Variants in DHRS3 observed in about 807,000 individuals in gnomAD.
DHRS3 encodes the protein dehydrogenase/reductase 3, also known as short-chain dehydrogenase/reductase 3.
In DHRS3, 14 loss-of-function variants were observed where a neutral mutation model predicts 27.2. The observed-to-expected ratio is 0.52, with a 90% CI of 0.34 to 0.81. The LOEUF (loss-of-function observed/expected upper bound fraction) is 0.81, where lower values mean the gene tolerates loss of function less well. Ranked by LOEUF, DHRS3 falls within the 30% of genes least tolerant of loss-of-function variation. The probability of loss-of-function intolerance (pLI) is 0.01; values close to 1 mark genes in which losing one functional copy is unlikely to be tolerated. For synonymous variants in DHRS3, 165 were observed against 175.9 expected (o/e 0.94, Z 0.49); for missense variants, 322 against 406.2 (o/e 0.79, Z 1.78).
intron 1 of DHRS3, among the ~76,000 whole-genome samples, chr1:12,589,222 C>T (rs1646724634): frequency 1.3e-5 from 2 of 152,152 alleles, no homozygotes; most frequent in South Asian, 4.1e-4. Flanking sequence ...TTTCACAACC[C>T]TGTCTATTTC....
intron 1 of DHRS3, among the ~76,000 whole-genome samples, chr1:12,612,309 C>T (rs1254426297): frequency 1.3e-5 from 2 of 152,170 alleles, no homozygotes; most frequent in African/African-American, 4.8e-5. Flanking sequence ...CCCTTCTCTT[C>T]TCTTTCTCTT....
intron 1 of DHRS3, chr1:12,600,317 G>C (rs1646826685): frequency 3.1e-6 from 3 of 983,530 alleles, no homozygotes; most frequent in Non-Finnish European, 3.6e-6. Flanking sequence ...TGGCTGAGGA[G>C]GTGTGAGCCC....
At chr1:12,590,742 G>T (rs752901333) in intron 1 of DHRS3, among the ~76,000 whole-genome samples, 4 of 152,162 alleles carry the variant, frequency 2.6e-5, no homozygotes, top group Non-Finnish European at 5.9e-5. Flanking sequence ...GGACTCCAGT[G>T]GGATCCCTCT....
chr1:12,612,502 T>A (rs1225569489), intron 1 of DHRS3, among the ~76,000 whole-genome samples: 1 of 152,130 alleles, frequency 6.6e-6, no homozygotes, highest in African/African-American at 2.4e-5. Flanking sequence ...TCACACCCCT[T>A]CTGGTTGAAA....
intron 5 of DHRS3, among the ~76,000 whole-genome samples, chr1:12,568,820 G>A (rs771264968): frequency 6.6e-6 from 1 of 152,246 alleles, no homozygotes; most frequent in Non-Finnish European, 1.5e-5. Flanking sequence ...CTAGCTACTG[G>A]GGAGGCTGAG....
At chr1:12,612,927 A>G (rs1236856075) in intron 1 of DHRS3, among the ~76,000 whole-genome samples, 1 of 152,032 alleles carries the variant, frequency 6.6e-6, no homozygotes, top group Non-Finnish European at 1.5e-5. Flanking sequence ...GCATGGTGGC[A>G]CGCACGCCTG....
chr1:12,568,654 G>T (rs1404730305), intron 5 of DHRS3, among the ~76,000 whole-genome samples: 1 of 152,148 alleles, frequency 6.6e-6, no homozygotes, highest in Admixed American at 6.5e-5. Context: ...GGCTGGGCGC[G>T]GTGGCTCATG....
At chr1:12,590,615 T>A (rs1446226844) in intron 1 of DHRS3, among the ~76,000 whole-genome samples, 1 of 152,004 alleles carries the variant, frequency 6.6e-6, no homozygotes, top group Non-Finnish European at 1.5e-5. Context: ...CGACCTAGAA[T>A]AGTCATTTCT....
rs201780676 is a variant in DHRS3 at position 12,568,420 on chromosome 1, G to T, written c.829C>A (p.Leu277Ile). 1.8e-5 allele frequency: 29 copies of T among 1,613,492 alleles called. No homozygotes were observed. Among genetic ancestry groups the T allele is most frequent in the East Asian group, 6.7e-5 (3 of 44,868 alleles). The stretch of plus-strand genomic sequence containing the variant: ...ATCTCCTCGAGTGCAGCCTGTGGAA[G>T]TATGCTGGAGTAGGAGGAAGAAAAG... ...MHALVILKSILPQAALEEIHK... is the reference protein window; with the variant it reads ...MHALVILKSIIPQAALEEIHK... Residue 277 changes from leucine (L) to isoleucine (I), a missense_variant, in exon 6 of 6, where the codon CTT becomes ATT. Leu to Ile is a conservative substitution (Grantham distance 5). Coordinates refer to ENST00000616661, the MANE Select transcript of DHRS3 (RefSeq NM_004753.7).
chr1:12,579,087 G>A (rs760774237), intron 3 of DHRS3, 131 bp from the exon 4 acceptor site: 14 of 1,233,130 alleles, frequency 1.1e-5, no homozygotes, highest in Non-Finnish European at 1.6e-5. Flanking sequence ...CGAGGGAGAG[G>A]GCCGAGGGCT....
At position 12,591,340 on chromosome 1, in the gene DHRS3, A is replaced by G. The variant is rs1342792496; in HGVS notation, c.196-10674T>C. Among the ~76,000 whole-genome samples the G allele has an allele frequency of 2.6e-5, 4 of 152,220 alleles. No homozygotes were observed. Among genetic ancestry groups the G allele is most frequent in the African/African-American group, 9.7e-5 (4 of 41,450 alleles). On this transcript the variant is annotated intron_variant, in intron 1 of 5. Coordinates refer to ENST00000616661, the MANE Select transcript of DHRS3 (RefSeq NM_004753.7). The surrounding 1 kb of genome is among the most constrained non-coding windows in gnomAD (Gnocchi z 4.1). Reference sequence around the variant, plus strand: ...AAGCCTAGGCAGGTCTCTCCCACGTAGCCCTGCAAAACAGGCTTTCCCTGG... The same window carrying G: ...AAGCCTAGGCAGGTCTCTCCCACGTGGCCCTGCAAAACAGGCTTTCCCTGG...
At chr1:12,584,885 G>A (rs964019054) in intron 1 of DHRS3, among the ~76,000 whole-genome samples, 1 of 152,108 alleles carries the variant, frequency 6.6e-6, no homozygotes, top group Non-Finnish European at 1.5e-5. Context: ...GTAAGTGTGT[G>A]TGTGTGTGTG....
chr1:12,571,497 C>T (rs1326931396), intron 5 of DHRS3, among the ~76,000 whole-genome samples: 8 of 150,458 alleles, frequency 5.3e-5, no homozygotes, highest in Admixed American at 2.0e-4. Flanking sequence ...TTGGGGTACC[C>T]GGGATCTCTT....
At chr1:12,595,340 C>A (rs1226500629) in intron 1 of DHRS3, among the ~76,000 whole-genome samples, 4 of 151,972 alleles carry the variant, frequency 2.6e-5, no homozygotes, top group African/African-American at 9.6e-5. Context: ...GCCGCCAAGC[C>A]TCAGCGGGTC....
At position 12,592,425 on chromosome 1, in the gene DHRS3, G is replaced by C. The variant is rs1159036248; in HGVS notation, c.196-11759C>G. On this transcript the variant is annotated intron_variant, in intron 1 of 5. Transcript: ENST00000616661. This position sits in a 1 kb window ranked among gnomAD's most constrained non-coding sequence, Gnocchi z 4.2. ...TCTAAGGACTAGTGTCCTCATGAGA[G>C]ACAGAAGAAAGACATACACAGAGGA... 2.6e-5 allele frequency among the ~76,000 whole-genome samples: 4 copies of C among 152,316 alleles called. No individual in the cohort carries two copies. The highest frequency in any genetic ancestry group is 6.5e-5 in the Admixed American group (1 of 15,312).
At position 12,594,813 on chromosome 1, in the gene DHRS3, AAGAC is replaced by A. The variant is rs150289692; in HGVS notation, c.196-14151_196-14148del. ...AGATTGGGAGGTTGTAAGGAGAAAA[AAGAC>A]AGCCTCTGACATGAAGCTGGAAGGG... On this transcript the variant is annotated intron_variant, in intron 1 of 5. Transcript: ENST00000616661. The surrounding 1 kb of genome is among the most constrained non-coding windows in gnomAD (Gnocchi z 4.1). Among the ~76,000 whole-genome samples the A allele has an allele frequency of 3.7e-3, 558 of 152,228 alleles. 3 individuals are homozygous for A. The highest frequency in any genetic ancestry group is 0.013 in the African/African-American group (530 of 41,534).
chr1:12,603,142 A>AG (rs944008912), intron 1 of DHRS3, among the ~76,000 whole-genome samples: 1 of 152,124 alleles, frequency 6.6e-6, no homozygotes, highest in African/African-American at 2.4e-5. Context: ...TGAGGGCAGG[A>AG]GGGGTTCCAC....
intron 4 of DHRS3, among the ~76,000 whole-genome samples, chr1:12,573,279 C>T (rs556965218): frequency 2.0e-5 from 3 of 152,252 alleles, no homozygotes; most frequent in Non-Finnish European, 4.4e-5. Context: ...CTCTCAACAG[C>T]CTGGCTCTCT....
At chr1:12,616,487 C>CT in intron 1 of DHRS3, 1 of 905,636 alleles carries the variant, frequency 1.1e-6, no homozygotes, top group Non-Finnish European at 1.3e-6. Context: ...GGAGGGATCC[C>CT]TGGGGGGTGT....
Sources: allele counts gnomAD v4.1 joint callset (sites outside exome capture counted in the v4.1 genomes callset), GRCh38; gene constraint gnomAD v4.1.1; non-coding constraint Gnocchi (gnomAD v3.1); transcripts MANE v1.5; gene names NCBI Gene and HGNC (gene_info 2026-07-23, HGNC 2026-07-21).